ARHGAP10: variants seen among roughly 807,000 people sequenced by gnomAD.
The protein encoded by ARHGAP10 is rho GTPase-activating protein 10.
ARHGAP10 carries 87 observed loss-of-function variants against 108.6 expected under a neutral mutation model. The ratio of observed to expected loss-of-function variants is 0.80; its 90% CI spans 0.67 to 0.96. The LOEUF (loss-of-function observed/expected upper bound fraction) is 0.96, where lower values mean the gene tolerates loss of function less well. Among genes scored for constraint, ARHGAP10 ranks in the 40% least tolerant of loss-of-function variants. ARHGAP10 has a pLI of 0.00. For synonymous variants in ARHGAP10, 347 were observed against 341.1 expected (o/e 1.02, Z -0.19); for missense variants, 939 against 954.5 (o/e 0.98, Z 0.21).
intron 3 of ARHGAP10, among the ~76,000 whole-genome samples, chr4:147,828,402 C>A (rs1433581825): frequency 6.6e-6 from 1 of 152,196 alleles, no homozygotes; most frequent in Non-Finnish European, 1.5e-5. Flanking sequence ...CATCTCTATG[C>A]TTAAATAGGC....
At chr4:148,061,933 TAG>T (rs1301073233) in intron 20 of ARHGAP10, among the ~76,000 whole-genome samples, 1 of 151,908 alleles carries the variant, frequency 6.6e-6, no homozygotes, top group Non-Finnish European at 1.5e-5. Flanking sequence ...GTGTATGGGT[TAG>T]AGAGGCCACA....
intron 1 of ARHGAP10, among the ~76,000 whole-genome samples, chr4:147,785,324 G>A (rs1049765179): frequency 7.3e-5 from 11 of 151,664 alleles, no homozygotes; most frequent in Non-Finnish European, 1.6e-4. Flanking sequence ...CTCCATTTTT[G>A]CTTCTTTCTG....
chr4:147,878,907 G>A (rs1735203912), intron 8 of ARHGAP10, among the ~76,000 whole-genome samples: 1 of 151,564 alleles, frequency 6.6e-6, no homozygotes, highest in South Asian at 2.1e-4. Flanking sequence ...CTCCCGAGTA[G>A]CTAAGACTAT....
At chr4:147,905,738 G>A (rs532978518) in intron 10 of ARHGAP10, among the ~76,000 whole-genome samples, 10 of 149,382 alleles carry the variant, frequency 6.7e-5, no homozygotes, top group African/African-American at 1.2e-4. Flanking sequence ...TTCCATATGA[G>A]CTTTAAAGTA....
In ARHGAP10 at chr4:148,046,907, C is replaced by T. The variant is rs538778048; in HGVS notation, c.1883C>T (p.Pro628Leu). Reference sequence around the variant, plus strand: ...TTCCTCCTAGGTGACAATCCTTACCCTTCCAAGGAGGACACCCCTACCAGC... The same window carrying T: ...TTCCTCCTAGGTGACAATCCTTACCTTTCCAAGGAGGACACCCCTACCAGC... ...LELEDGDNPYPSKEDTPTSSL... is the reference protein window; with the variant it reads ...LELEDGDNPYLSKEDTPTSSL... The change falls in exon 20 of 23, where the codon CCT (proline) becomes CTT (leucine). Residue 628 changes from proline to leucine, a missense_variant. Pro to Leu is a moderately conservative substitution (Grantham distance 98). Transcript: ENST00000336498. 26 of 1,613,968 alleles carry T rather than the reference C, an allele frequency of 1.6e-5. No homozygotes were observed. In the South Asian group the frequency reaches 1.6e-4, roughly 10 times the overall value.
intron 4 of ARHGAP10, among the ~76,000 whole-genome samples, chr4:147,848,905 T>C (rs936225369): frequency 5.3e-5 from 8 of 152,216 alleles, no homozygotes; most frequent in African/African-American, 1.9e-4. Flanking sequence ...GTTACAATAG[T>C]TTATTCTGTG....
chr4:147,895,297 A>G (rs1735945433), intron 10 of ARHGAP10, among the ~76,000 whole-genome samples: 1 of 152,046 alleles, frequency 6.6e-6, no homozygotes, highest in South Asian at 2.1e-4. Context: ...ATCTTACAAT[A>G]TTGCTAAGTG....
chr4:147,804,453 C>T (rs141818952), intron 1 of ARHGAP10, among the ~76,000 whole-genome samples: 18 of 152,198 alleles, frequency 1.2e-4, no homozygotes, highest in African/African-American at 2.4e-4. Context: ...AATAGTGCTG[C>T]GATGAACATA....
At chr4:147,762,179 T>A (rs1729615257) in intron 1 of ARHGAP10, among the ~76,000 whole-genome samples, 2 of 152,094 alleles carry the variant, frequency 1.3e-5, no homozygotes, top group South Asian at 4.1e-4. Context: ...AGCTAACTTT[T>A]GTATTTTTAG....
chr4:148,060,279 T>G (rs1336416721), intron 20 of ARHGAP10, among the ~76,000 whole-genome samples: 2 of 152,136 alleles, frequency 1.3e-5, no homozygotes, highest in Admixed American at 1.3e-4. Context: ...GTTTCGATTC[T>G]TCTTATTAAA....
chr4:147,866,938 G>A (rs1418268174), intron 7 of ARHGAP10, 122 bp downstream of exon 7: 7 of 793,636 alleles, frequency 8.8e-6, no homozygotes, highest in Non-Finnish European at 1.4e-5. Flanking sequence ...AGAAACTGAG[G>A]GTATGCTGCC....
Position 147,878,774 on chromosome 4 carries a change from CTTTTTTTTT to C in ARHGAP10, c.833-446_833-438del, listed in dbSNP as rs11384854. Among the ~76,000 whole-genome samples, 255 of 124,864 alleles carry C rather than the reference CTTTTTTTTT, an allele frequency of 2.0e-3. 2 individuals carry two copies. Among genetic ancestry groups the C allele is most frequent in the African/African-American group, 7.9e-3 (247 of 31,340 alleles). 81.9% of individuals were successfully genotyped at this position (124,864 alleles called of 152,430 possible). Reference sequence around the variant, plus strand: ...AGTATCTCTTATTTTCCTTCTTCCTCTTTTTTTTTTTTTTTTTTTTGAGTCGGAGTCTCG... The same window carrying C: ...AGTATCTCTTATTTTCCTTCTTCCTCTTTTTTTTTTTGAGTCGGAGTCTCG... On this transcript the variant is annotated intron_variant, in intron 8 of 22. Transcript: ENST00000336498.
intron 13 of ARHGAP10, among the ~76,000 whole-genome samples, chr4:147,922,150 G>A (rs1182934193): frequency 6.6e-6 from 1 of 152,094 alleles, no homozygotes; most frequent in Non-Finnish European, 1.5e-5. Flanking sequence ...GGTGAACGAG[G>A]GTCAAAGGGT....
chr4:147,797,903 C>G (rs1424440360), intron 1 of ARHGAP10, among the ~76,000 whole-genome samples: 3 of 152,116 alleles, frequency 2.0e-5, no homozygotes, highest in Non-Finnish European at 4.4e-5. Context: ...CTCATCCCAC[C>G]CCAACCCATC....
At chr4:147,903,353 G>C (rs1207966320) in intron 10 of ARHGAP10, among the ~76,000 whole-genome samples, 1 of 152,318 alleles carries the variant, frequency 6.6e-6, no homozygotes, top group Admixed American at 6.5e-5. Context: ...GAGGAAGATA[G>C]AGATTTTCCT....
At chr4:147,825,804 G>A (rs1021440464) in intron 3 of ARHGAP10, among the ~76,000 whole-genome samples, 1 of 152,096 alleles carries the variant, frequency 6.6e-6, no homozygotes, top group Non-Finnish European at 1.5e-5. Context: ...TTTGATAGTT[G>A]TACTTCCCTG....
At chr4:147,979,191 C>T (rs1485164101) in intron 18 of ARHGAP10, among the ~76,000 whole-genome samples, 3 of 152,194 alleles carry the variant, frequency 2.0e-5, no homozygotes, top group African/African-American at 7.2e-5. Context: ...TGAAGTCTTA[C>T]ATTCAAGTCT....
At chr4:147,953,073 A>AT (rs564990198) in intron 15 of ARHGAP10, among the ~76,000 whole-genome samples, 32 of 149,350 alleles carry the variant, frequency 2.1e-4, no homozygotes, top group Non-Finnish European at 2.5e-4. Context: ...AAGTACATTG[A>AT]TTTTTTTTTT....
intron 3 of ARHGAP10, among the ~76,000 whole-genome samples, chr4:147,840,295 G>A (rs1197917280): frequency 1.3e-5 from 2 of 151,992 alleles, no homozygotes; most frequent in African/African-American, 4.8e-5. Flanking sequence ...CTCCCTTTAA[G>A]CAAATCAGAA....
Sources: allele counts gnomAD v4.1 joint callset (sites outside exome capture counted in the v4.1 genomes callset), GRCh38; gene constraint gnomAD v4.1.1; transcripts MANE v1.5; gene names NCBI Gene and HGNC (gene_info 2026-07-23, HGNC 2026-07-21).